ADAMTS3: variants seen among roughly 807,000 people sequenced by gnomAD.
The protein encoded by ADAMTS3 is A disintegrin and metalloproteinase with thrombospondin motifs 3.
ADAMTS3 carries 73 observed loss-of-function variants against 129.0 expected under a neutral mutation model. The observed-to-expected ratio is 0.57, with a 90% CI of 0.47 to 0.69. ADAMTS3 has a LOEUF of 0.69. Ranked by LOEUF, ADAMTS3 falls within the 30% of genes least tolerant of loss-of-function variation. ADAMTS3 has a pLI of 0.00. For missense variants in ADAMTS3, 1,457 were observed against 1,514.5 expected, an observed-to-expected ratio of 0.96 and a Z score of 0.63; for synonymous variants, 477 against 510.8, an observed-to-expected ratio of 0.93 and a Z score of 0.89.
chr4:72,470,361 T>TTTTATATATA (rs1553917046), intron 3 of ADAMTS3, among the ~76,000 whole-genome samples: 6 of 116,482 alleles, frequency 5.2e-5, no homozygotes, highest in Non-Finnish European at 9.1e-5. Context: ...TATTTTAAGT[T>TTTTATATATA]TATATATATA....
intron 3 of ADAMTS3, among the ~76,000 whole-genome samples, chr4:72,453,944 T>G (rs1302284573): frequency 6.7e-6 from 1 of 148,548 alleles, no homozygotes; most frequent in Non-Finnish European, 1.5e-5. Flanking sequence ...AAAGTGCATA[T>G]GCACAAACTT....
chr4:72,539,240 G>C (rs1721257190), intron 3 of ADAMTS3, among the ~76,000 whole-genome samples: 1 of 151,922 alleles, frequency 6.6e-6, no homozygotes, highest in Non-Finnish European at 1.5e-5. Flanking sequence ...GAATGGAAGA[G>C]AACACTTGCA....
chr4:72,320,174 C>T (rs1046484729), intron 7 of ADAMTS3, among the ~76,000 whole-genome samples: 1 of 152,122 alleles, frequency 6.6e-6, no homozygotes, highest in Admixed American at 6.5e-5. Flanking sequence ...TTCTCCTTTC[C>T]TAAGGGAAGG....
rs766070513 is a variant in ADAMTS3 at position 72,312,452 on chromosome 4, C to T, written c.1760G>A (p.Gly587Asp). 6.2e-7 allele frequency: 1 copy of T among 1,613,390 alleles called. No homozygotes were observed. The highest frequency in any genetic ancestry group is 8.5e-7 in the Non-Finnish European group (1 of 1,179,584). The change falls in exon 13 of 22, where the codon GGT becomes GAT. Residue 587 changes from glycine to aspartate, a missense_variant. Coordinates refer to ENST00000286657, the MANE Select transcript of ADAMTS3 (RefSeq NM_014243.3). The stretch of plus-strand genomic sequence containing the variant: ...AAAATTAACACCAGGACAATCCTGA[C>T]CACCATTGATGGGCCTAAAGAAAAG... ...QCNNPMPING[G>D]QDCPGVNFEY...
Position 72,283,314 on chromosome 4 carries a change from A to G in ADAMTS3, c.3440T>C (p.Val1147Ala). ...AGSKTVRLVT[V>A]PSSPPTKRVH... is the part of the protein sequence containing the mutation. ...CCTCTTGGTGGGTGGGGAGGATGGTACGGTGACCAGTCTCACAGTCTTACT... is the reference window on the plus strand; with the variant it reads ...CCTCTTGGTGGGTGGGGAGGATGGTGCGGTGACCAGTCTCACAGTCTTACT... The change falls in exon 22 of 22, where the codon GTA becomes GCA. Residue 1147 changes from valine to alanine, a missense_variant. Val to Ala is a moderately conservative substitution (Grantham distance 64). Transcript: ENST00000286657. 5 of 1,614,004 alleles carry G rather than the reference A, an allele frequency of 3.1e-6. No individual in the cohort carries two copies. In the South Asian group the frequency reaches 5.5e-5, roughly 18 times the overall value.
chr4:72,516,318 G>A lies in ADAMTS3; in HGVS notation c.504+32160C>T, dbSNP rs138690117. 1.0e-3 allele frequency among the ~76,000 whole-genome samples: 158 copies of A among 152,168 alleles called. 2 individuals carry two copies. In the East Asian group the frequency reaches 0.028, roughly 27 times the overall value. On this transcript the variant is annotated intron_variant, in intron 3 of 21. Coordinates refer to ENST00000286657, the MANE Select transcript of ADAMTS3 (RefSeq NM_014243.3). ...TAGCTTAGGATTGACTTGGCAATGC[G>A]GGCTCTTTTTTGTTCCATATGAACT...
At chr4:72,288,663 T>C (rs1253402780) in intron 21 of ADAMTS3, 88 bp downstream of exon 21, 6 of 842,894 alleles carry the variant, frequency 7.1e-6, no homozygotes, top group Non-Finnish European at 1.2e-5. Flanking sequence ...TAAACAAATA[T>C]AAATTCTATA....
intron 17 of ADAMTS3, among the ~76,000 whole-genome samples, chr4:72,301,105 T>C (rs554295570): frequency 6.6e-6 from 1 of 152,210 alleles, no homozygotes; most frequent in South Asian, 2.1e-4. Context: ...TATGCAAAAA[T>C]AAGGACCTAA....
chr4:72,385,930 GA>G (rs1721434351), intron 4 of ADAMTS3, among the ~76,000 whole-genome samples: 1 of 151,904 alleles, frequency 6.6e-6, no homozygotes, highest in Non-Finnish European at 1.5e-5. Context: ...AAAAATCAAT[GA>G]TTTTTTTTTC....
chr4:72,398,143 C>T (rs79391919), intron 4 of ADAMTS3, among the ~76,000 whole-genome samples: 137 of 152,142 alleles, frequency 9.0e-4, no homozygotes, highest in African/African-American at 2.8e-3. Context: ...TAGGTCTCTG[C>T]GGAAAACTAT....
At chr4:72,469,045 ATTAAT>A (rs1184849824) in intron 3 of ADAMTS3, among the ~76,000 whole-genome samples, 2 of 152,102 alleles carry the variant, frequency 1.3e-5, no homozygotes, top group East Asian at 1.9e-4. Context: ...CTACAATCAT[ATTAAT>A]TTAAACTCTA....
At chr4:72,401,073 G>GT (rs1339481242) in intron 4 of ADAMTS3, among the ~76,000 whole-genome samples, 5 of 151,442 alleles carry the variant, frequency 3.3e-5, no homozygotes, top group African/African-American at 1.2e-4. Context: ...AAAAATAAAA[G>GT]TTCAGTTCAT....
chr4:72,530,480 A>ATAAATATATAAAAATATATG (rs1290182486), intron 3 of ADAMTS3, among the ~76,000 whole-genome samples: 2 of 89,602 alleles, frequency 2.2e-5, no homozygotes, highest in Non-Finnish European at 3.8e-5. Flanking sequence ...AATTTAATAT[A>ATAAATATATAAAAATATATG]TAAATATATA....
chr4:72,417,440 C>T (rs1349919897), intron 3 of ADAMTS3, among the ~76,000 whole-genome samples: 4 of 152,022 alleles, frequency 2.6e-5, no homozygotes, highest in African/African-American at 9.7e-5. Flanking sequence ...GTTATTTTAC[C>T]CCACTAAGCC....
intron 3 of ADAMTS3, among the ~76,000 whole-genome samples, chr4:72,457,826 C>T (rs1347192991): frequency 6.6e-6 from 1 of 150,526 alleles, no homozygotes; most frequent in Admixed American, 6.7e-5. Flanking sequence ...ATATTTTATA[C>T]CCTTCTTTCA....
At chr4:72,338,495 A>G (rs1720045829) in intron 5 of ADAMTS3, among the ~76,000 whole-genome samples, 1 of 152,200 alleles carries the variant, frequency 6.6e-6, no homozygotes. Flanking sequence ...AGACCAAAAT[A>G]TAATTAACAG....
intron 2 of ADAMTS3, among the ~76,000 whole-genome samples, chr4:72,565,089 T>A (rs369219597): frequency 2.6e-5 from 4 of 152,184 alleles, no homozygotes; most frequent in Non-Finnish European, 5.9e-5. Context: ...AGTACACTTA[T>A]ATGCACCCTC....
chr4:72,386,018 C>A (rs1721437968), intron 4 of ADAMTS3, among the ~76,000 whole-genome samples: 1 of 151,560 alleles, frequency 6.6e-6, no homozygotes, highest in Non-Finnish European at 1.5e-5. Context: ...AAATCTATAA[C>A]CTAAAGTTAG....
At chr4:72,330,242 C>T (rs1255028552) in intron 5 of ADAMTS3, among the ~76,000 whole-genome samples, 1 of 152,118 alleles carries the variant, frequency 6.6e-6, no homozygotes, top group East Asian at 1.9e-4. Context: ...TGGTCTCGAA[C>T]TCCTGACCTC....
Sources: gnomAD v4.1 joint callset for allele counts (sites outside exome capture counted in the v4.1 genomes callset) on GRCh38, gnomAD v4.1.1 for gene constraint, MANE v1.5 for transcripts, NCBI Gene and HGNC (gene_info 2026-07-23, HGNC 2026-07-21) for gene names.